ZFR: variants seen among roughly 807,000 people sequenced by gnomAD.
The protein encoded by ZFR is zinc finger RNA binding protein.
In ZFR, 19 loss-of-function variants were observed where a neutral mutation model predicts 130.7. That is an observed-to-expected ratio of 0.15 (90% confidence interval 0.10 to 0.21). ZFR has a LOEUF of 0.21. Among genes scored for constraint, ZFR ranks in the 10% least tolerant of loss-of-function variants. ZFR has a pLI of 1.00. For missense variants in ZFR, 872 were observed against 1,321.5 expected, an observed-to-expected ratio of 0.66 and a Z score of 5.27; for synonymous variants, 466 against 456.9, an observed-to-expected ratio of 1.02 and a Z score of -0.25.
chr5:32,397,082 G>A, intron 10 of ZFR, 137 bp downstream of exon 10: 2 of 907,918 alleles, frequency 2.2e-6, no homozygotes, highest in Non-Finnish European at 3.2e-6. Flanking sequence ...CTACCAACAT[G>A]ACATGCTAAT....
intron 2 of ZFR, among the ~76,000 whole-genome samples, chr5:32,429,331 A>G (rs976053203): frequency 5.3e-5 from 8 of 152,268 alleles, no homozygotes; most frequent in Middle Eastern, 3.4e-3. Flanking sequence ...ACTTTTTCCT[A>G]TATCAGTCTT....
chr5:32,383,301 C>G (rs1752972132), intron 15 of ZFR, among the ~76,000 whole-genome samples: 1 of 152,184 alleles, frequency 6.6e-6, no homozygotes, highest in Non-Finnish European at 1.5e-5. Flanking sequence ...GATGTCTTGG[C>G]AGCAACCCCT....
At chr5:32,375,908 A>G (rs1016386347) in intron 17 of ZFR, among the ~76,000 whole-genome samples, 1 of 150,970 alleles carries the variant, frequency 6.6e-6, no homozygotes, top group Non-Finnish European at 1.5e-5. Flanking sequence ...CAGTGGCACG[A>G]TCTCGGCTCA....
chr5:32,390,180 T>A, intron 12 of ZFR, 95 bp downstream of exon 12: 1 of 1,439,034 alleles, frequency 6.9e-7, no homozygotes, highest in Non-Finnish European at 9.3e-7. Flanking sequence ...ATTACAAGAT[T>A]ATTAAGTCTA....
chr5:32,422,798 C>CAAAAAAAAAAAAAAA (rs10693151), intron 2 of ZFR, among the ~76,000 whole-genome samples: 4 of 24,004 alleles, frequency 1.7e-4, no homozygotes, highest in East Asian at 1.7e-3. Flanking sequence ...AAACCTGTCT[C>CAAAAAAAAAAAAAAA]AAAAAAAAAA....
chr5:32,363,576 A>G (rs1444530596), intron 19 of ZFR, among the ~76,000 whole-genome samples: 2 of 152,196 alleles, frequency 1.3e-5, no homozygotes, highest in Admixed American at 1.3e-4. Context: ...AGGTTAAATT[A>G]TAACAATAAT....
chr5:32,385,485 A>G, intron 15 of ZFR, 23 bp downstream of exon 15: 1 of 1,607,970 alleles, frequency 6.2e-7, no homozygotes, highest in Non-Finnish European at 8.5e-7. Flanking sequence ...AATAGAAAGT[A>G]GAAAGTTTAA....
rs553824960 is a variant in ZFR at position 32,377,989 on chromosome 5, C to T, written c.2835+1126G>A. The stretch of plus-strand genomic sequence containing the variant: ...TACAGGCATGAGCCACTGTGCTTGG[C>T]GAATACCATATTTTGCCTATCATAT... On this transcript the variant is annotated intron_variant, in intron 17 of 19. Coordinates refer to ENST00000265069, the MANE Select transcript of ZFR (RefSeq NM_016107.5). 7.9e-5 allele frequency among the ~76,000 whole-genome samples: 12 copies of T among 152,238 alleles called. No homozygotes were observed. In the South Asian group the frequency reaches 2.3e-3, roughly 29 times the overall value.
chr5:32,383,293 T>C (rs1752971920), intron 15 of ZFR, among the ~76,000 whole-genome samples: 1 of 152,174 alleles, frequency 6.6e-6, no homozygotes, highest in Non-Finnish European at 1.5e-5. Flanking sequence ...ATCCTTCCGA[T>C]GTCTTGGCAG....
intron 2 of ZFR, among the ~76,000 whole-genome samples, chr5:32,439,204 G>A (rs1244424307): frequency 6.6e-6 from 1 of 152,182 alleles, no homozygotes; most frequent in Non-Finnish European, 1.5e-5. Context: ...TTCAACAATG[G>A]AAGGATTGAT....
intron 2 of ZFR, among the ~76,000 whole-genome samples, chr5:32,439,804 T>TAAAAAAAAAAAA (rs11446399): frequency 1.4e-5 from 1 of 72,458 alleles, no homozygotes; most frequent in Non-Finnish European, 2.5e-5. Flanking sequence ...ACCATGTCTT[T>TAAAAAAAAAAAA]AAAAAAAAAA....
chr5:32,402,962 CA>C, intron 8 of ZFR, 143 bp downstream of exon 8: 1 of 736,012 alleles, frequency 1.4e-6, no homozygotes, highest in Admixed American at 2.9e-5. Context: ...AATACACACA[CA>C]CTAGGCAGAT....
intron 11 of ZFR, among the ~76,000 whole-genome samples, chr5:32,393,569 C>T (rs371254669): frequency 3.3e-5 from 5 of 152,072 alleles, no homozygotes; most frequent in Admixed American, 1.3e-4. Flanking sequence ...TCTTGAATCC[C>T]GACCTCAGGT....
chr5:32,438,252 A>ATTTTTTTTTTTTTTTTT lies in ZFR; in HGVS notation c.137+5976_137+5977insAAAAAAAAAAAAAAAAA, dbSNP rs1561930577. On this transcript the variant is annotated intron_variant, in intron 2 of 19. Coordinates refer to ENST00000265069, the MANE Select transcript of ZFR (RefSeq NM_016107.5). ...AAGAATGCTACTGATTTTATCTGAAAATTTTTTTTTTTTTTTTTTTTTTTT... is the reference window on the plus strand; with the variant it reads ...AAGAATGCTACTGATTTTATCTGAAATTTTTTTTTTTTTTTTTATTTTTTTTTTTTTTTTTTTTTTTT... Among the ~76,000 whole-genome samples, 4 of 83,476 alleles carry ATTTTTTTTTTTTTTTTT rather than the reference A, an allele frequency of 4.8e-5. 2 individuals are homozygous for ATTTTTTTTTTTTTTTTT. Among genetic ancestry groups the ATTTTTTTTTTTTTTTTT allele is most frequent in the Non-Finnish European group, 4.8e-5 (2 of 41,796 alleles). 54.8% of individuals were successfully genotyped at this position (83,476 alleles called of 152,430 possible). A position where few individuals can be genotyped will look rare whatever the true frequency, so the allele number is the denominator to read the frequency against.
At chr5:32,366,881 ATTT>A (rs70961624) in intron 17 of ZFR, among the ~76,000 whole-genome samples, 2 of 142,354 alleles carry the variant, frequency 1.4e-5, no homozygotes, top group African/African-American at 2.6e-5. Context: ...AGATTTTTTA[ATTT>A]TTTTTTTTTT....
chr5:32,393,405 G>A (rs963765705), intron 11 of ZFR, among the ~76,000 whole-genome samples: 37 of 150,674 alleles, frequency 2.5e-4, no homozygotes, highest in African/African-American at 8.1e-4. Flanking sequence ...GTATAATGGC[G>A]CGATCTCGCC....
intron 11 of ZFR, among the ~76,000 whole-genome samples, chr5:32,394,787 A>G (rs1188213176): frequency 2.0e-5 from 3 of 152,202 alleles, no homozygotes; most frequent in African/African-American, 4.8e-5. Context: ...TGTAGCCACT[A>G]AAGTTTCTTT....
At chr5:32,443,266 T>A (rs751936349) in intron 2 of ZFR, among the ~76,000 whole-genome samples, 4 of 152,228 alleles carry the variant, frequency 2.6e-5, no homozygotes, top group Non-Finnish European at 5.9e-5. Context: ...AAGTAACAAT[T>A]TAACAATCCA....
In ZFR at chr5:32,388,521, C is replaced by T; in HGVS notation, c.2296G>A (p.Glu766Lys). Residue 766 changes from glutamate (E) to lysine (K), a missense_variant, in exon 13 of 20, where the codon GAG (glutamate) becomes AAG (lysine). Glu to Lys is a moderately conservative substitution (Grantham distance 56, BLOSUM62 1). Coordinates refer to ENST00000265069, the MANE Select transcript of ZFR (RefSeq NM_016107.5). ...KLVSDSLSEH[E>K]KNKNKEGDDK... ...TCTCCCTCTTTGTTCTTGTTCTTCTCATGTTCAGACAAACTGTCTGAAACG... is the reference window on the plus strand; with the variant it reads ...TCTCCCTCTTTGTTCTTGTTCTTCTTATGTTCAGACAAACTGTCTGAAACG... The T allele has an allele frequency of 6.2e-7, 1 of 1,613,932 alleles. No homozygotes were observed. Among genetic ancestry groups the T allele is most frequent in the Admixed American group, 1.7e-5 (1 of 60,014 alleles).
Sources: gnomAD v4.1 joint callset for allele counts (sites outside exome capture counted in the v4.1 genomes callset) on GRCh38, gnomAD v4.1.1 for gene constraint, MANE v1.5 for transcripts, NCBI Gene and HGNC (gene_info 2026-07-23, HGNC 2026-07-21) for gene names.